Variants in IMPG1 observed in about 807,000 individuals in gnomAD.
IMPG1 encodes interphotoreceptor matrix proteoglycan of 150 kDa.
IMPG1 carries 85 observed loss-of-function variants against 92.0 expected under a neutral mutation model. That is an observed-to-expected ratio of 0.92 (90% CI 0.78 to 1.11). The LOEUF is 1.11. Ranked by LOEUF, IMPG1 falls within the 50% of genes least tolerant of loss-of-function variation. The pLI, the probability that IMPG1 is intolerant of heterozygous loss-of-function variation, is 0.00. For missense variants in IMPG1, 1,022 were observed against 956.0 expected (o/e 1.07, Z -0.91); for synonymous variants, 367 against 334.1 (o/e 1.10, Z -1.08).
intron 13 of IMPG1, among the ~76,000 whole-genome samples, chr6:75,949,149 C>G (rs1331078860): frequency 1.3e-5 from 2 of 152,164 alleles, no homozygotes; most frequent in Non-Finnish European, 2.9e-5. Flanking sequence ...GGCAGGTGAA[C>G]CAGCACAACT....
chr6:75,958,358 G>A (rs1238419714), intron 12 of IMPG1, among the ~76,000 whole-genome samples: 1 of 152,076 alleles, frequency 6.6e-6, no homozygotes, highest in African/African-American at 2.4e-5. Context: ...TGATGATTAT[G>A]TGTCTTGGGG....
intron 9 of IMPG1, among the ~76,000 whole-genome samples, chr6:76,006,683 C>T (rs2794280): frequency 0.49 from 73,901 of 151,480 alleles, 18,618 homozygotes; most frequent in Non-Finnish European, 0.56. Context: ...TACTCTTTTC[C>T]CTCAAGCTGC....
chr6:76,021,778 C>CATATATATATATATAT (rs140827081), intron 6 of IMPG1, among the ~76,000 whole-genome samples: 7,361 of 49,324 alleles, frequency 0.15, 1,279 homozygotes, highest in Middle Eastern at 0.26. Context: ...ACTTGGAGAG[C>CATATATATATATATAT]ATATATATAT....
intron 5 of IMPG1, among the ~76,000 whole-genome samples, chr6:76,023,979 A>G (rs1380513376): frequency 6.6e-6 from 1 of 152,136 alleles, no homozygotes; most frequent in African/African-American, 2.4e-5. Context: ...TCTAAATAAT[A>G]CCTTTTTGAA....
intron 12 of IMPG1, among the ~76,000 whole-genome samples, chr6:75,984,063 G>A (rs1246716882): frequency 6.6e-6 from 1 of 152,026 alleles, no homozygotes; most frequent in Non-Finnish European, 1.5e-5. Flanking sequence ...AAAGACAAAG[G>A]GTAAAAAGTG....
intron 1 of IMPG1, among the ~76,000 whole-genome samples, chr6:76,069,330 T>C (rs1204057751): frequency 6.6e-6 from 1 of 152,108 alleles, no homozygotes; most frequent in Non-Finnish European, 1.5e-5. Context: ...AATTAGTTAC[T>C]GAGAACTCAA....
intron 12 of IMPG1, among the ~76,000 whole-genome samples, chr6:75,974,045 T>C (rs575019097): frequency 6.6e-6 from 1 of 152,320 alleles, no homozygotes; most frequent in East Asian, 1.9e-4. Context: ...CATGTGAATG[T>C]TAGAGATGCA....
In IMPG1 at chr6:75,985,700, C is replaced by G. The variant is rs574162680; in HGVS notation, c.1291+17218G>C. On this transcript the variant is annotated intron_variant, in intron 12 of 16. Transcript: ENST00000369950. The stretch of plus-strand genomic sequence containing the variant: ...TTCCATTATCTGGCTCCAGGCTGGA[C>G]AAAGCTTGGAGAGCAGTTCCTTTAT... Among the ~76,000 whole-genome samples, 21 of 152,218 alleles carry G rather than the reference C, an allele frequency of 1.4e-4. 1 individual carries two copies. The South Asian group carries it at 4.3e-3, about 32-fold the overall frequency.
In IMPG1 at chr6:76,018,465, C is replaced by T. The variant is rs189666960; in HGVS notation, c.807+253G>A. 4.6e-5 allele frequency among the ~76,000 whole-genome samples: 7 copies of T among 152,180 alleles called. No individual in the cohort carries two copies. In the East Asian group the frequency reaches 5.8e-4, roughly 13 times the overall value. ...TTTGGACTATGGTTGACAGGGTAACCGAAACTGTGGATAGAGGGGGCAGGT... is the reference window on the plus strand; with the variant it reads ...TTTGGACTATGGTTGACAGGGTAACTGAAACTGTGGATAGAGGGGGCAGGT... On this transcript the variant is annotated intron_variant, in intron 7 of 16. Transcript: ENST00000369950.
chr6:75,950,284 C>T (rs1196412638), intron 13 of IMPG1, among the ~76,000 whole-genome samples: 1 of 152,088 alleles, frequency 6.6e-6, no homozygotes, highest in Non-Finnish European at 1.5e-5. Flanking sequence ...TTCCTGGATT[C>T]ACTAAGTTAG....
chr6:75,946,675 C>T (rs1344061785), intron 14 of IMPG1, among the ~76,000 whole-genome samples: 1 of 152,176 alleles, frequency 6.6e-6, no homozygotes. Context: ...GGCTAAGCTC[C>T]CATGTCTTTA....
At chr6:76,012,622 G>A (rs1024032382) in intron 7 of IMPG1, among the ~76,000 whole-genome samples, 1 of 152,228 alleles carries the variant, frequency 6.6e-6, no homozygotes, top group African/African-American at 2.4e-5. Flanking sequence ...TGAAGCTTGG[G>A]AGAGAGAGCA....
At chr6:76,023,849 A>T (rs1562374008) in intron 5 of IMPG1, among the ~76,000 whole-genome samples, 1 of 152,214 alleles carries the variant, frequency 6.6e-6, no homozygotes, top group Admixed American at 6.5e-5. Flanking sequence ...TATCAGCTAA[A>T]GTACATTACC....
intron 7 of IMPG1, among the ~76,000 whole-genome samples, chr6:76,012,128 T>C (rs138803518): frequency 6.6e-6 from 1 of 152,114 alleles, no homozygotes; most frequent in East Asian, 1.9e-4. Flanking sequence ...TAGATTAGAT[T>C]TACTCTTAGA....
At chr6:75,962,114 G>T (rs1782220466) in intron 12 of IMPG1, among the ~76,000 whole-genome samples, 1 of 139,484 alleles carries the variant, frequency 7.2e-6, no homozygotes. Context: ...ATTTTTAAAA[G>T]ATTTCTTTGC....
rs140968723 is a variant in IMPG1 at position 76,038,753 on chromosome 6, C to T, written c.301+3140G>A. On this transcript the variant is annotated intron_variant, in intron 2 of 16. Coordinates refer to ENST00000369950, the MANE Select transcript of IMPG1 (RefSeq NM_001563.4). ...CCCACCCCAGTCTTCCCACAGTTGC[C>T]GGCCAATGCCTGAAATCTGATCACA... Among the ~76,000 whole-genome samples, 13 of 152,308 alleles carry T rather than the reference C, an allele frequency of 8.5e-5. No individual in the cohort carries two copies. In the East Asian group the frequency reaches 9.6e-4, roughly 11 times the overall value.
rs113820051 is a variant in IMPG1, at chr6:75,943,218, G to A, written c.2044+4096C>T. 9.3e-4 allele frequency among the ~76,000 whole-genome samples: 142 copies of A among 152,246 alleles called. 1 individual carries two copies. The highest frequency in any genetic ancestry group is 3.2e-3 in the African/African-American group (134 of 41,552). On this transcript the variant is annotated intron_variant, in intron 14 of 16. Coordinates refer to ENST00000369950, the MANE Select transcript of IMPG1 (RefSeq NM_001563.4). The stretch of plus-strand genomic sequence containing the variant: ...CAGCCTCACCCCCCAATGGTAGCTC[G>A]TACTGCTGTGTGCCCTGCATGGTTA...
At chr6:75,982,569 CTATATAGATA>C (rs1008934299) in intron 12 of IMPG1, among the ~76,000 whole-genome samples, 19 of 148,114 alleles carry the variant, frequency 1.3e-4, no homozygotes, top group African/African-American at 4.3e-4. Flanking sequence ...ATCTATATAT[CTATATAGATA>C]TATATAGATA....
chr6:76,025,048 TTA>T (rs1783499115), intron 5 of IMPG1, 144 bp downstream of exon 5: 1 of 657,990 alleles, frequency 1.5e-6, no homozygotes, highest in African/African-American at 1.8e-5. Flanking sequence ...TAAATTTAAA[TTA>T]TGTTATAAAG....
Sources: gnomAD v4.1 joint callset for allele counts (sites outside exome capture counted in the v4.1 genomes callset) on GRCh38, gnomAD v4.1.1 for gene constraint, MANE v1.5 for transcripts, NCBI Gene and HGNC (gene_info 2026-07-23, HGNC 2026-07-21) for gene names.